COG3: variants seen among roughly 807,000 people sequenced by gnomAD.
COG3 encodes conserved oligomeric Golgi complex subunit 3.
In COG3, 32 loss-of-function variants were observed where a neutral mutation model predicts 114.1. The observed-to-expected ratio is 0.28, with a 90% CI of 0.21 to 0.38. COG3 has a LOEUF of 0.38. Among genes scored for constraint, COG3 ranks in the 10% least tolerant of loss-of-function variants. The pLI is 1.00. For missense variants in COG3, 813 were observed against 973.2 expected, an observed-to-expected ratio of 0.84 and a Z score of 2.19; for synonymous variants, 352 against 365.7, an observed-to-expected ratio of 0.96 and a Z score of 0.43.
chr13:45,495,131 A>C (rs1593706548), intron 12 of COG3, among the ~76,000 whole-genome samples: 2 of 142,036 alleles, frequency 1.4e-5, no homozygotes, highest in Non-Finnish European at 3.0e-5. Context: ...GCCATGAGCC[A>C]CCACGCCTGG....
Position 45,534,953 on chromosome 13 carries a change from G to A in COG3, c.*222G>A. ...AATGCCAAAGATTAATCTGTGATTG[G>A]TGATAACTGCCTCGTTTAAATGGTC... is the stretch of plus-strand genomic sequence containing the variant. On this transcript the variant is annotated 3_prime_UTR_variant, in exon 23 of 23. Coordinates refer to ENST00000349995, the MANE Select transcript of COG3 (RefSeq NM_031431.4). The A allele has an allele frequency of 4.8e-6, 6 of 1,246,070 alleles. No homozygotes were observed. The South Asian group carries it at 2.1e-4, about 44-fold the overall frequency. 77.2% of individuals were successfully genotyped at this position (1,246,070 alleles called of 1,614,324 possible).
chr13:45,530,722 T>TA lies in COG3; in HGVS notation c.2402dup (p.Glu802GlyfsTer6). On this transcript the variant is annotated frameshift_variant, in exon 22 of 23. Transcript: ENST00000349995. LOFTEE classifies it high-confidence loss of function. ...GTCTTCCAGAAGTTCCACGCTCTGT[T>TA]AAAGGAAGAGTTCAGCCCTGAAGAC... 1.2e-6 allele frequency: 2 copies of TA among 1,613,192 alleles called. No homozygotes were observed. The highest frequency in any genetic ancestry group is 1.7e-6 in the Non-Finnish European group (2 of 1,179,206).
chr13:45,473,260 T>G (rs1215311715), intron 1 of COG3, among the ~76,000 whole-genome samples: 1 of 152,228 alleles, frequency 6.6e-6, no homozygotes, highest in East Asian at 1.9e-4. Flanking sequence ...TGGAGGTGCC[T>G]GTCGCTCCCC....
Position 45,518,769 on chromosome 13 carries a change from A to C in COG3, c.1938A>C (p.Ala646=). The change falls in exon 18 of 23, where the codon GCA becomes GCC. Residue 646 remains alanine (A), a synonymous_variant. Transcript: ENST00000349995. ...AGTAATTTTGTTTCACAGATGCAGC[A>C]TTTAAAATCCTGAACCCTATGACTG... The part of the protein sequence containing the change: ...SLDLKKTRDA[A]FKILNPMTVP... The C allele has an allele frequency of 6.2e-7, 1 of 1,611,660 alleles. No individual in the cohort carries two copies. The highest frequency in any genetic ancestry group is 8.5e-7 in the Non-Finnish European group (1 of 1,179,064).
At chr13:45,475,398 G>A (rs1885797968) in intron 1 of COG3, among the ~76,000 whole-genome samples, 1 of 151,670 alleles carries the variant, frequency 6.6e-6, no homozygotes, top group African/African-American at 2.4e-5. Context: ...AGACGGGGGT[G>A]TCACTATGTT....
chr13:45,465,400 C>A, intron 1 of COG3, 190 bp downstream of exon 1: 1 of 987,830 alleles, frequency 1.0e-6, no homozygotes, highest in Non-Finnish European at 1.4e-6. Flanking sequence ...GCGACCCCGA[C>A]TCTAATTCTG....
intron 22 of COG3, chr13:45,534,492 A>C: frequency 2.4e-6 from 1 of 414,108 alleles, no homozygotes; most frequent in Non-Finnish European, 4.3e-6. Context: ...TGGGGCTCTA[A>C]ACAACTTTTT....
intron 1 of COG3, among the ~76,000 whole-genome samples, chr13:45,467,038 A>G (rs370585658): frequency 1.3e-5 from 2 of 152,194 alleles, no homozygotes; most frequent in East Asian, 1.9e-4. Flanking sequence ...TATAAGGAAA[A>G]TCAGATAGGA....
chr13:45,521,802 C>T (rs2137911008), intron 19 of COG3, among the ~76,000 whole-genome samples: 2 of 111,372 alleles, frequency 1.8e-5, no homozygotes, highest in African/African-American at 3.3e-5. Flanking sequence ...ATTTAGTTAG[C>T]TTTTTTTTTT....
rs1873477909 is a variant in COG3, at chr13:45,535,305, CTGTT to C, written c.*577_*580del. ...GGAAGTCGGGGTGTCATCCTTTCCT[CTGTT>C]TGATGTGAGGTAGTTTAAAGATACA... On this transcript the variant is annotated 3_prime_UTR_variant, in exon 23 of 23. Transcript: ENST00000349995. 1 of 985,296 alleles carries C rather than the reference CTGTT, an allele frequency of 1.0e-6. No homozygotes were observed. Among genetic ancestry groups the C allele is most frequent in the Admixed American group, 6.2e-5 (1 of 16,256 alleles). 61.0% of individuals were successfully genotyped at this position (985,296 alleles called of 1,614,324 possible).
At chr13:45,498,653 G>C (rs1869120908) in intron 13 of COG3, among the ~76,000 whole-genome samples, 1 of 151,396 alleles carries the variant, frequency 6.6e-6, no homozygotes, top group Non-Finnish European at 1.5e-5. Flanking sequence ...GTTTTGTTTT[G>C]TTTTGTTTTT....
Position 45,526,076 on chromosome 13 carries a change from A to ATTTTTTTTT in COG3, c.2230+1047_2230+1055dup, listed in dbSNP as rs386379016. ...GCTATTCAAAGCCTCCAAAATTTTA[A>ATTTTTTTTT]TTTTTTTTTTTTTTTTTTTTTTTTT... On this transcript the variant is annotated intron_variant, in intron 20 of 22. Transcript: ENST00000349995. Among the ~76,000 whole-genome samples the ATTTTTTTTT allele has an allele frequency of 9.7e-3, 549 of 56,578 alleles. 101 individuals are homozygous for ATTTTTTTTT. Among genetic ancestry groups the ATTTTTTTTT allele is most frequent in the African/African-American group, 0.011 (151 of 14,054 alleles). 37.1% of individuals were successfully genotyped at this position (56,578 alleles called of 152,430 possible). A position where few individuals can be genotyped will look rare whatever the true frequency, so the allele number is the denominator to read the frequency against.
intron 20 of COG3, 72 bp from the exon 21 acceptor site, chr13:45,529,719 C>G: frequency 8.8e-7 from 1 of 1,130,038 alleles, no homozygotes; most frequent in Non-Finnish European, 1.2e-6. Flanking sequence ...TCCCTTTATT[C>G]CCCTTTGAAT....
chr13:45,474,843 C>A (rs1287292375), intron 1 of COG3, among the ~76,000 whole-genome samples: 2 of 152,168 alleles, frequency 1.3e-5, no homozygotes, highest in African/African-American at 4.8e-5. Flanking sequence ...CCTTAAATGT[C>A]ATAAACTAAG....
intron 5 of COG3, among the ~76,000 whole-genome samples, chr13:45,482,100 A>G (rs1886281757): frequency 6.6e-6 from 1 of 152,308 alleles, no homozygotes; most frequent in Admixed American, 6.5e-5. Context: ...TTATTTGAAT[A>G]TGACATTGTA....
At chr13:45,514,157 C>CTTTTTTTTTT (rs57033822) in intron 16 of COG3, among the ~76,000 whole-genome samples, 4 of 93,858 alleles carry the variant, frequency 4.3e-5, no homozygotes, top group Non-Finnish European at 7.8e-5. Context: ...TGTCCTCTCT[C>CTTTTTTTTTT]TTTTTTTTTT....
At chr13:45,480,069 C>A in intron 3 of COG3, 56 bp from the exon 4 acceptor site, 1 of 1,432,890 alleles carries the variant, frequency 7.0e-7, no homozygotes, top group Non-Finnish European at 9.4e-7. Context: ...TGTTTTTTTA[C>A]TGTGCTTATT....
intron 7 of COG3, 130 bp downstream of exon 7, chr13:45,483,485 T>A: frequency 2.0e-6 from 1 of 512,152 alleles, no homozygotes; most frequent in Non-Finnish European, 3.3e-6. Flanking sequence ...TAAGAATATG[T>A]ACTACAGCTT....
At chr13:45,505,655 C>T (rs181157387) in intron 14 of COG3, among the ~76,000 whole-genome samples, 18 of 151,896 alleles carry the variant, frequency 1.2e-4, no homozygotes. Context: ...GATGAGGTCT[C>T]GCTGTGTTGC....
Sources: gnomAD v4.1 joint callset for allele counts (sites outside exome capture counted in the v4.1 genomes callset) on GRCh38, gnomAD v4.1.1 for gene constraint, MANE v1.5 for transcripts, NCBI Gene and HGNC (gene_info 2026-07-23, HGNC 2026-07-21) for gene names.